DYNC1I2: variants seen among roughly 807,000 people sequenced by gnomAD.
DYNC1I2 encodes dynein cytoplasmic 1 intermediate chain 2.
In DYNC1I2, 53 loss-of-function variants were observed where a neutral mutation model predicts 88.6. That is an observed-to-expected ratio of 0.60 (90% CI 0.48 to 0.75). The LOEUF is 0.75. DYNC1I2 is among the 30% of genes least tolerant of loss of function. The pLI is 0.00. For synonymous variants in DYNC1I2, 198 were observed against 254.6 expected (o/e 0.78, Z 2.12); for missense variants, 458 against 766.6 (o/e 0.60, Z 4.75).
In DYNC1I2 at chr2:171,687,534, C is replaced by A. The variant is rs765741993; in HGVS notation, c.-103C>A. The A allele has an allele frequency of 3.3e-5, 5 of 152,166 alleles. No homozygotes were observed. Among genetic ancestry groups the A allele is most frequent in the Non-Finnish European group, 7.3e-5 (5 of 68,044 alleles). The allele number at this position is 152,166 out of a possible 1,614,324, so 9.4% of individuals were successfully genotyped here. A position where few individuals can be genotyped will look rare whatever the true frequency, so the allele number is the denominator to read the frequency against. Reference sequence around the variant, plus strand: ...GGATTCCTGGCCTGAGAATATTAGGCGTAGTTTTCCAGTTTTTGGCAAAGC... The same window carrying A: ...GGATTCCTGGCCTGAGAATATTAGGAGTAGTTTTCCAGTTTTTGGCAAAGC... On this transcript the variant is annotated 5_prime_UTR_variant, in exon 1 of 18. Transcript: ENST00000397119.
At chr2:171,704,885 C>T (rs1228847365) in intron 3 of DYNC1I2, among the ~76,000 whole-genome samples, 4 of 152,030 alleles carry the variant, frequency 2.6e-5, no homozygotes. Context: ...AATTAATATT[C>T]CTCCTTTTGT....
intron 4 of DYNC1I2, 176 bp from the exon 5 acceptor site, chr2:171,707,111 T>C: frequency 4.6e-6 from 4 of 878,746 alleles, no homozygotes; most frequent in South Asian, 1.7e-5. Context: ...TTGTTAACTT[T>C]TTGTCTTTTC....
intron 5 of DYNC1I2, among the ~76,000 whole-genome samples, chr2:171,709,495 C>T (rs1686942211): frequency 6.6e-6 from 1 of 152,046 alleles, no homozygotes; most frequent in Non-Finnish European, 1.5e-5. Context: ...GTAGTGATTA[C>T]ATCATTAATT....
In DYNC1I2 at chr2:171,744,071, T is replaced by A. The variant is rs1249201959; in HGVS notation, c.1559T>A (p.Phe520Tyr). 1 of 1,611,696 alleles carries A rather than the reference T, an allele frequency of 6.2e-7. No individual in the cohort carries two copies. Among genetic ancestry groups the A allele is most frequent in the Non-Finnish European group, 8.5e-7 (1 of 1,179,448 alleles). ...TTKNNKPLYS[F>Y]EDNADYVYDV... is the part of the protein sequence containing the mutation. ...CAGAATAACAAGCCTTTGTATTCAT[T>A]TGAAGATAATGCAGACTATGTTTAT... The change falls in exon 16 of 18, where the codon TTT becomes TAT. Residue 520 changes from phenylalanine (F) to tyrosine (Y), a missense_variant. By Grantham distance (22) the Phe-to-Tyr change is conservative. This residue lies in a region of DYNC1I2 where 188 missense variants were observed against 300.4 expected (regional missense o/e 0.63). Transcript: ENST00000397119.
At chr2:171,701,243 T>TG (rs1686235052) in intron 3 of DYNC1I2, among the ~76,000 whole-genome samples, 1 of 152,140 alleles carries the variant, frequency 6.6e-6, no homozygotes, top group Non-Finnish European at 1.5e-5. Flanking sequence ...TGGAGTGCAG[T>TG]GGCACGATCT....
intron 1 of DYNC1I2, among the ~76,000 whole-genome samples, chr2:171,688,906 C>T (rs1685176002): frequency 6.6e-6 from 1 of 152,000 alleles, no homozygotes; most frequent in Non-Finnish European, 1.5e-5. Context: ...TTCACTTGTA[C>T]AGAGACATTG....
chr2:171,733,878 A>G (rs1034011194), intron 15 of DYNC1I2, among the ~76,000 whole-genome samples: 1 of 151,948 alleles, frequency 6.6e-6, no homozygotes, highest in Admixed American at 6.6e-5. Flanking sequence ...GCCCATGGCT[A>G]TGTACTGAAT....
intron 3 of DYNC1I2, among the ~76,000 whole-genome samples, chr2:171,700,012 G>A (rs547802061): frequency 2.6e-5 from 4 of 152,058 alleles, no homozygotes; most frequent in African/African-American, 7.2e-5. Context: ...TATAGTTTCT[G>A]CTGGTCAAGA....
intron 2 of DYNC1I2, 56 bp downstream of exon 2, chr2:171,690,319 A>C (rs1685299744): frequency 7.8e-6 from 10 of 1,280,392 alleles, no homozygotes; most frequent in Non-Finnish European, 1.1e-5. Flanking sequence ...GTTTTATTTC[A>C]CATATTTATA....
intron 15 of DYNC1I2, among the ~76,000 whole-genome samples, chr2:171,732,336 G>A (rs1440260412): frequency 6.6e-6 from 1 of 152,116 alleles, no homozygotes; most frequent in Non-Finnish European, 1.5e-5. Flanking sequence ...CTACAGCCTG[G>A]GTGACGAGCA....
chr2:171,705,820 A>G (rs1456772380), intron 3 of DYNC1I2, among the ~76,000 whole-genome samples: 4 of 152,120 alleles, frequency 2.6e-5, no homozygotes, highest in Non-Finnish European at 4.4e-5. Flanking sequence ...TTTCTGACAC[A>G]TTTAATCACA....
intron 5 of DYNC1I2, among the ~76,000 whole-genome samples, chr2:171,710,687 G>C (rs936945592): frequency 6.7e-6 from 1 of 150,108 alleles, no homozygotes; most frequent in African/African-American, 2.4e-5. Context: ...CAGGCCTCTT[G>C]TTCCTTTTTT....
chr2:171,709,801 T>C (rs1253501116), intron 5 of DYNC1I2, among the ~76,000 whole-genome samples: 1 of 152,142 alleles, frequency 6.6e-6, no homozygotes, highest in Non-Finnish European at 1.5e-5. Context: ...CACTGCAACC[T>C]CCACCTCCCA....
chr2:171,702,781 G>T (rs1686366926), intron 3 of DYNC1I2, among the ~76,000 whole-genome samples: 1 of 151,388 alleles, frequency 6.6e-6, no homozygotes. Flanking sequence ...GGAGTACAGT[G>T]GCACAAACTG....
rs540224968 is a variant in DYNC1I2, at chr2:171,697,175, GTTTTGT to G, written c.226+4298_226+4303del. Among the ~76,000 whole-genome samples, 514 of 151,576 alleles carry G rather than the reference GTTTTGT, an allele frequency of 3.4e-3. 2 individuals carry two copies. The highest frequency in any genetic ancestry group is 0.011 in the African/African-American group (468 of 41,388). ...ACCACCATGCCCAACTAATTTTTTTGTTTTGTTTTTGTTTTTGTTTTTTTTTATAGA... is the reference window on the plus strand; with the variant it reads ...ACCACCATGCCCAACTAATTTTTTTGTTTTGTTTTTGTTTTTTTTTATAGA... On this transcript the variant is annotated intron_variant, in intron 3 of 17. Transcript: ENST00000397119.
At chr2:171,736,270 C>T (rs1451780568) in intron 15 of DYNC1I2, among the ~76,000 whole-genome samples, 2 of 152,196 alleles carry the variant, frequency 1.3e-5, no homozygotes, top group Non-Finnish European at 2.9e-5. Context: ...CCAGCCTCTC[C>T]TTTGCATATT....
chr2:171,712,940 G>A, intron 6 of DYNC1I2, 114 bp downstream of exon 6: 1 of 881,394 alleles, frequency 1.1e-6, no homozygotes, highest in Admixed American at 2.2e-5. Flanking sequence ...GTAAGGACAA[G>A]AGTTATATTT....
chr2:171,699,591 AGT>A (rs3223500), intron 3 of DYNC1I2, among the ~76,000 whole-genome samples: 20,849 of 137,608 alleles, frequency 0.15, 1,849 homozygotes, highest in East Asian at 0.53. Flanking sequence ...CATCATTTGG[AGT>A]GTGTGTGTGT....
chr2:171,689,882 CTTTTTTTTTTTTT>C (rs10716223), intron 1 of DYNC1I2, among the ~76,000 whole-genome samples: 1 of 54,154 alleles, frequency 1.8e-5, no homozygotes, highest in East Asian at 5.3e-4. Flanking sequence ...TTTTTCTTGC[CTTTTTTTTTTTTT>C]TTTTTTTTTT....
Sources: gnomAD v4.1 joint callset for allele counts (sites outside exome capture counted in the v4.1 genomes callset) on GRCh38, gnomAD v4.1.1 for gene constraint, gnomAD v4.1.1 regional missense constraint, MANE v1.5 for transcripts, NCBI Gene and HGNC (gene_info 2026-07-23, HGNC 2026-07-21) for gene names.